The following TNIK variants were observed in gnomAD, a reference collection of about 807,000 sequenced individuals.
The protein encoded by TNIK is TRAF2 and NCK interacting kinase.
A neutral mutation model predicts 191.3 loss-of-function variants in TNIK; 49 were observed. The ratio of observed to expected loss-of-function variants is 0.26; its 90% CI spans 0.20 to 0.32. The LOEUF (loss-of-function observed/expected upper bound fraction) is 0.32, where lower values mean the gene tolerates loss of function less well. Ranked by LOEUF, TNIK falls within the 10% of genes least tolerant of loss-of-function variation. The pLI is 1.00. For missense variants in TNIK, 1,155 were observed against 1,702.3 expected (o/e 0.68, Z 5.66); for synonymous variants, 594 against 600.9 (o/e 0.99, Z 0.17).
chr3:171,236,748 A>G (rs376706830), intron 2 of TNIK, among the ~76,000 whole-genome samples: 1 of 152,194 alleles, frequency 6.6e-6, no homozygotes, highest in East Asian at 1.9e-4. Context: ...GACCTCTGGC[A>G]GACTCTTTGC....
At chr3:171,425,405 C>T (rs1385423051) in intron 1 of TNIK, among the ~76,000 whole-genome samples, 1 of 152,120 alleles carries the variant, frequency 6.6e-6, no homozygotes, top group Non-Finnish European at 1.5e-5. Flanking sequence ...ATTTACCATG[C>T]TATATTTATT....
chr3:171,104,334 C>A (rs1054994101), intron 21 of TNIK, among the ~76,000 whole-genome samples: 6 of 151,976 alleles, frequency 3.9e-5, no homozygotes, highest in Non-Finnish European at 8.8e-5. Context: ...ATATTTTATT[C>A]TTTGACAATA....
At chr3:171,184,892 C>A (rs1299918117) in intron 7 of TNIK, among the ~76,000 whole-genome samples, 1 of 152,186 alleles carries the variant, frequency 6.6e-6, no homozygotes, top group African/African-American at 2.4e-5. Context: ...AAATAATCTG[C>A]AGCACCCATA....
intron 1 of TNIK, among the ~76,000 whole-genome samples, chr3:171,423,281 T>A (rs1424615059): frequency 6.6e-6 from 1 of 152,074 alleles, no homozygotes; most frequent in Non-Finnish European, 1.5e-5. Flanking sequence ...ACAAGGGATG[T>A]GAAGGACCTC....
intron 16 of TNIK, among the ~76,000 whole-genome samples, chr3:171,127,085 G>A (rs1728580639): frequency 6.6e-6 from 1 of 152,210 alleles, no homozygotes; most frequent in Non-Finnish European, 1.5e-5. Context: ...GGCTAGCTCT[G>A]TGCCTGGCAT....
chr3:171,334,449 T>C (rs1756746744), intron 2 of TNIK, among the ~76,000 whole-genome samples: 1 of 152,122 alleles, frequency 6.6e-6, no homozygotes, highest in Non-Finnish European at 1.5e-5. Flanking sequence ...GGAGGACTGG[T>C]GGCCATCAGA....
At chr3:171,384,716 AAGTGACAT>A (rs1718501820) in intron 1 of TNIK, among the ~76,000 whole-genome samples, 2 of 152,244 alleles carry the variant, frequency 1.3e-5, no homozygotes, top group South Asian at 4.1e-4. Flanking sequence ...GCTGGCCCTC[AAGTGACAT>A]GTCAGATTAG....
chr3:171,079,487 C>A, intron 28 of TNIK, 31 bp downstream of exon 28: 1 of 1,600,842 alleles, frequency 6.2e-7, no homozygotes. Context: ...GTAAACAGAC[C>A]AAACTTATAA....
In TNIK at chr3:171,194,741, G is replaced by A. The variant is rs757696903; in HGVS notation, c.307-106C>T. On this transcript the variant is annotated intron_variant, in intron 4 of 32. Coordinates refer to ENST00000436636, the MANE Select transcript of TNIK (RefSeq NM_015028.4). ...TTGGCTGCTTTGGAATGCCATTCCT[G>A]CAAAGAAAAAGTTATCATAAAACAA... The A allele has an allele frequency of 1.4e-5, 13 of 907,362 alleles. No individual in the cohort carries two copies. The East Asian group carries it at 1.5e-4, about 10-fold the overall frequency. The allele number at this position is 907,362 out of a possible 1,614,324, so 56.2% of individuals were successfully genotyped here.
chr3:171,085,195 G>A lies in TNIK; in HGVS notation c.2921C>T (p.Thr974Ile), dbSNP rs757347861. 6.2e-7 allele frequency: 1 copy of A among 1,611,598 alleles called. No individual in the cohort carries two copies. Among genetic ancestry groups the A allele is most frequent in the East Asian group, 2.2e-5 (1 of 44,854 alleles). ...GTATACTCTGGGGTCCACAAAGGGG[G>A]TGAAGGAGGCTTTGGTGCTGCTCCC... is the stretch of plus-strand genomic sequence containing the variant. ...GMGSSTKASF[T>I]PFVDPRVYQT... The change falls in exon 25 of 33, where the codon ACC (threonine) becomes ATC (isoleucine). Residue 974 changes from threonine (T) to isoleucine (I), a missense_variant. Thr to Ile is a moderately conservative substitution (Grantham distance 89). Around this residue, in one of 3 missense-constraint regions of TNIK, gnomAD observed 735 missense variants for 848.0 expected, o/e 0.87. Transcript: ENST00000436636.
At chr3:171,391,983 A>G (rs1050173983) in intron 1 of TNIK, among the ~76,000 whole-genome samples, 1 of 152,204 alleles carries the variant, frequency 6.6e-6, no homozygotes, top group Non-Finnish European at 1.5e-5. Flanking sequence ...AAACCTAGAC[A>G]CCAAGAAAAA....
At chr3:171,332,412 G>A (rs11709599) in intron 2 of TNIK, among the ~76,000 whole-genome samples, 1 of 152,142 alleles carries the variant, frequency 6.6e-6, no homozygotes, top group African/African-American at 2.4e-5. Flanking sequence ...TTTAGGCATA[G>A]CCAAACTTCT....
At chr3:171,344,699 A>G (rs1010801291) in intron 2 of TNIK, among the ~76,000 whole-genome samples, 12 of 151,990 alleles carry the variant, frequency 7.9e-5, no homozygotes, top group Non-Finnish European at 1.8e-4. Flanking sequence ...CTTTTCTTAA[A>G]TTACCTCTTT....
At chr3:171,311,709 CT>C (rs979350448) in intron 2 of TNIK, among the ~76,000 whole-genome samples, 3 of 152,148 alleles carry the variant, frequency 2.0e-5, no homozygotes, top group African/African-American at 7.2e-5. Flanking sequence ...TCTCCAAACA[CT>C]TTTTTCCTGG....
rs541375214 is a variant in TNIK, at chr3:171,167,260, A to T, written c.784T>A (p.Phe262Ile). Residue 262 changes from phenylalanine to isoleucine, a missense_variant, in exon 10 of 33, where the codon TTC (phenylalanine) becomes ATC (isoleucine). By Grantham distance (21) the Phe-to-Ile change is conservative. Around this residue, in one of 3 missense-constraint regions of TNIK, gnomAD observed 225 missense variants for 438.9 expected, o/e 0.51. Coordinates refer to ENST00000436636, the MANE Select transcript of TNIK (RefSeq NM_015028.4). The stretch of plus-strand genomic sequence containing the variant: ...AAGCAGCTCTCAATAAATGACTGGA[A>T]TTTTTTTGACCTGCCAAACAAAAGA... ...RLKSKKWSKK[F>I]QSFIESCLVK... 6.2e-7 allele frequency: 1 copy of T among 1,611,994 alleles called. No individual in the cohort carries two copies. Among genetic ancestry groups the T allele is most frequent in the African/African-American group, 1.3e-5 (1 of 74,940 alleles).
intron 2 of TNIK, among the ~76,000 whole-genome samples, chr3:171,332,057 TTTG>T (rs1756467587): frequency 6.6e-6 from 1 of 152,178 alleles, no homozygotes; most frequent in African/African-American, 2.4e-5. Context: ...AAAAGCAATA[TTTG>T]TTTTTACTGT....
chr3:171,101,416 T>G (rs1228740847), intron 22 of TNIK, 33 bp downstream of exon 22: 2 of 1,562,066 alleles, frequency 1.3e-6, no homozygotes, highest in Admixed American at 4.1e-5. Context: ...CCTAGTCCCC[T>G]CCCGGTCTAC....
chr3:171,413,734 T>G (rs1239573611), intron 1 of TNIK, among the ~76,000 whole-genome samples: 2 of 152,244 alleles, frequency 1.3e-5, no homozygotes, highest in Non-Finnish European at 2.9e-5. Context: ...TCAAGGATAC[T>G]ATATGCAACT....
chr3:171,081,695 C>CT (rs11421700), intron 27 of TNIK, among the ~76,000 whole-genome samples: 26,526 of 143,620 alleles, frequency 0.18, 3,631 homozygotes, highest in African/African-American at 0.39. Context: ...TAGTCTCCAT[C>CT]TTTTTTTTTT....
Sources: allele counts gnomAD v4.1 joint callset (sites outside exome capture counted in the v4.1 genomes callset), GRCh38; gene constraint gnomAD v4.1.1; regional missense constraint gnomAD v4.1.1; transcripts MANE v1.5; gene names NCBI Gene and HGNC (gene_info 2026-07-23, HGNC 2026-07-21).